The following PXDNL variants were observed in gnomAD, a reference collection of about 807,000 sequenced individuals.
PXDNL encodes the protein peroxidasin like, also known as probable oxidoreductase PXDNL.
A neutral mutation model predicts 150.8 loss-of-function variants in PXDNL; 145 were observed. The ratio of observed to expected loss-of-function variants is 0.96; its 90% confidence interval spans 0.84 to 1.10. The LOEUF (loss-of-function observed/expected upper bound fraction) is 1.10. Ranked by LOEUF, PXDNL falls within the 50% of genes least tolerant of loss-of-function variation. The pLI, the probability that PXDNL is intolerant of heterozygous loss-of-function variation, is 0.00. For synonymous variants in PXDNL, 757 were observed against 725.7 expected (o/e 1.04, Z -0.69); for missense variants, 2,087 against 1,873.9 (o/e 1.11, Z -2.10).
At chr8:51,469,914 C>G (rs776169454) in intron 8 of PXDNL, among the ~76,000 whole-genome samples, 4 of 151,854 alleles carry the variant, frequency 2.6e-5, no homozygotes, top group South Asian at 2.1e-4. Context: ...CATTTTTACC[C>G]ATACTTTTCT....
At chr8:51,780,268 G>A (rs2037397695) in intron 1 of PXDNL, among the ~76,000 whole-genome samples, 1 of 152,098 alleles carries the variant, frequency 6.6e-6, no homozygotes, top group East Asian at 1.9e-4. Context: ...TTCCAAACAG[G>A]CTGTATAACC....
At chr8:51,336,317 C>A (rs78734593) in intron 21 of PXDNL, among the ~76,000 whole-genome samples, 2,674 of 152,298 alleles carry the variant, frequency 0.018, 49 homozygotes, top group African/African-American at 0.06. Flanking sequence ...ACAGGACTTA[C>A]TGCATCCACA....
chr8:51,805,447 C>T (rs4425747), intron 1 of PXDNL, among the ~76,000 whole-genome samples: 101,023 of 147,330 alleles, frequency 0.69, 40,899 homozygotes, highest in Non-Finnish European at 0.9. Flanking sequence ...TGTATATATA[C>T]AAAATGATAT....
intron 13 of PXDNL, among the ~76,000 whole-genome samples, chr8:51,425,486 T>C (rs1391680575): frequency 6.6e-6 from 1 of 152,144 alleles, no homozygotes; most frequent in African/African-American, 2.4e-5. Context: ...ACTTTCTATT[T>C]TTAGCATAAA....
At chr8:51,438,434 C>A (rs1427741154) in intron 12 of PXDNL, among the ~76,000 whole-genome samples, 1 of 152,124 alleles carries the variant, frequency 6.6e-6, no homozygotes, top group East Asian at 1.9e-4. Context: ...TCATAGTCAC[C>A]AATAAAGCAT....
At chr8:51,674,499 G>C (rs1265565159) in intron 1 of PXDNL, among the ~76,000 whole-genome samples, 3 of 152,224 alleles carry the variant, frequency 2.0e-5, no homozygotes, top group Admixed American at 2.0e-4. Context: ...CAGGAGTTTT[G>C]TATTGTTCAC....
chr8:51,361,960 A>AAAAAAAAAAAAAAAAAAAAAAAG (rs1563374211), intron 19 of PXDNL, among the ~76,000 whole-genome samples: 5 of 148,898 alleles, frequency 3.4e-5, no homozygotes, highest in African/African-American at 1.3e-4. Flanking sequence ...AAAAAAAAAA[A>AAAAAAAAAAAAAAAAAAAAAAAG]AAAAAGAAAA....
intron 8 of PXDNL, among the ~76,000 whole-genome samples, chr8:51,462,419 T>C (rs1048422587): frequency 2.0e-5 from 3 of 152,048 alleles, no homozygotes; most frequent in African/African-American, 7.2e-5. Flanking sequence ...GACTCAATAG[T>C]TGAAAGATAA....
At chr8:51,576,611 CAT>C (rs1233590524) in intron 3 of PXDNL, among the ~76,000 whole-genome samples, 2 of 151,518 alleles carry the variant, frequency 1.3e-5, no homozygotes, top group Non-Finnish European at 3.0e-5. Flanking sequence ...ACTTCAGAAA[CAT>C]AGAATACAAG....
At chr8:51,343,890 T>C (rs1586017284) in intron 20 of PXDNL, among the ~76,000 whole-genome samples, 1 of 152,308 alleles carries the variant, frequency 6.6e-6, no homozygotes, top group East Asian at 1.9e-4. Flanking sequence ...TATTTAAAAA[T>C]GGTTCTCACT....
intron 3 of PXDNL, among the ~76,000 whole-genome samples, chr8:51,578,024 A>T (rs1813120695): frequency 7.2e-6 from 1 of 138,280 alleles, no homozygotes; most frequent in African/African-American, 3.0e-5. Context: ...GAAGGAAGGA[A>T]GGAAGGAAGG....
At chr8:51,666,383 ATAAG>A (rs552766281) in intron 1 of PXDNL, among the ~76,000 whole-genome samples, 7 of 152,252 alleles carry the variant, frequency 4.6e-5, no homozygotes, top group African/African-American at 1.7e-4. Context: ...GCAGCTATAT[ATAAG>A]TAAGTAAGCA....
intron 1 of PXDNL, among the ~76,000 whole-genome samples, chr8:51,709,253 C>T (rs1346457990): frequency 6.7e-6 from 1 of 150,334 alleles, no homozygotes; most frequent in Non-Finnish European, 1.5e-5. Flanking sequence ...ACCCCAAATC[C>T]CTTTTTTTTT....
At chr8:51,548,809 T>A (rs570072484) in intron 4 of PXDNL, among the ~76,000 whole-genome samples, 69 of 152,110 alleles carry the variant, frequency 4.5e-4, no homozygotes, top group African/African-American at 1.6e-3. Flanking sequence ...GCACAATAAA[T>A]AGGACAGTAC....
chr8:51,617,602 T>C (rs1011817897), intron 2 of PXDNL, among the ~76,000 whole-genome samples: 6 of 152,236 alleles, frequency 3.9e-5, no homozygotes, highest in African/African-American at 1.4e-4. Flanking sequence ...CAATACTGCA[T>C]GGAAATCTAC....
At chr8:51,458,388 T>C (rs1809985136) in intron 8 of PXDNL, among the ~76,000 whole-genome samples, 1 of 151,800 alleles carries the variant, frequency 6.6e-6, no homozygotes, top group African/African-American at 2.4e-5. Flanking sequence ...CAGAAACATA[T>C]GTTAGAAATG....
At chr8:51,471,779 C>T (rs370192674) in intron 8 of PXDNL, among the ~76,000 whole-genome samples, 49 of 151,822 alleles carry the variant, frequency 3.2e-4, no homozygotes, top group South Asian at 2.5e-3. Context: ...CTCCGCCTCC[C>T]GGGTTCACGC....
intron 17 of PXDNL, among the ~76,000 whole-genome samples, chr8:51,389,397 T>C (rs1195600138): frequency 1.3e-5 from 2 of 152,258 alleles, no homozygotes; most frequent in South Asian, 2.1e-4. Flanking sequence ...TCCCTGATGT[T>C]TACTTGAGAA....
intron 21 of PXDNL, among the ~76,000 whole-genome samples, chr8:51,331,672 G>T (rs1042719505): frequency 6.6e-6 from 1 of 152,022 alleles, no homozygotes; most frequent in African/African-American, 2.4e-5. Flanking sequence ...CCGGCCCTTC[G>T]GTTTGCATGG....
Sources: gnomAD v4.1 joint callset for allele counts (sites outside exome capture counted in the v4.1 genomes callset) on GRCh38, gnomAD v4.1.1 for gene constraint, MANE v1.5 for transcripts, NCBI Gene and HGNC (gene_info 2026-07-23, HGNC 2026-07-21) for gene names.